Variants in NOS2 observed in about 807,000 individuals in gnomAD.
NOS2 encodes the protein nitric oxide synthase 2, also known as nitric oxide synthase, inducible.
NOS2 carries 96 observed loss-of-function variants against 136.0 expected under a neutral mutation model. That is an observed-to-expected ratio of 0.71 (90% CI 0.60 to 0.84). NOS2 has a LOEUF of 0.84. Among genes scored for constraint, NOS2 ranks in the 40% least tolerant of loss-of-function variants. The pLI, the probability that NOS2 is intolerant of heterozygous loss-of-function variation, is 0.00. For missense variants in NOS2, 1,237 were observed against 1,496.9 expected, an observed-to-expected ratio of 0.83 and a Z score of 2.87; for synonymous variants, 539 against 587.5, an observed-to-expected ratio of 0.92 and a Z score of 1.20.
At chr17:27,792,206 CTG>C (rs1328503300) in intron 2 of NOS2, among the ~76,000 whole-genome samples, 1 of 152,220 alleles carries the variant, frequency 6.6e-6, no homozygotes, top group African/African-American at 2.4e-5. Flanking sequence ...GGATGTTAGA[CTG>C]TGTCTAGTTT....
chr17:27,799,427 A>G (rs1429923196), intron 1 of NOS2, among the ~76,000 whole-genome samples: 1 of 152,178 alleles, frequency 6.6e-6, no homozygotes, highest in Non-Finnish European at 1.5e-5. Context: ...GTGGGGAGGA[A>G]ATATTTGTGA....
At chr17:27,795,546 G>T (rs1035842310) in intron 2 of NOS2, among the ~76,000 whole-genome samples, 1 of 152,182 alleles carries the variant, frequency 6.6e-6, no homozygotes, top group African/African-American at 2.4e-5. Context: ...GCATGTACTC[G>T]TCAATGGAAT....
Position 27,773,254 on chromosome 17 carries a change from G to A in NOS2, c.1477-11C>T, listed in dbSNP as rs774743295. ...TTTCCAGGCCTCTACCTTCAGAAAA[G>A]AAAGGAGATGTGAGGGCAGGGCGGG... On this transcript the variant is annotated splice_polypyrimidine_tract_variant and intron_variant, in intron 12 of 26. Coordinates refer to ENST00000313735, the MANE Select transcript of NOS2 (RefSeq NM_000625.4). The A allele has an allele frequency of 3.1e-6, 5 of 1,608,464 alleles. No individual in the cohort carries two copies. In the Admixed American group the frequency reaches 6.7e-5, roughly 22 times the overall value.
chr17:27,770,758 A>G (rs1189799956), intron 15 of NOS2, among the ~76,000 whole-genome samples, 155 bp downstream of exon 15: 1 of 152,230 alleles, frequency 6.6e-6, no homozygotes, highest in African/African-American at 2.4e-5. Context: ...GGCAATAATT[A>G]CAATGGAGGC....
rs764316522 is a variant in NOS2 at position 27,773,170 on chromosome 17, A to G, written c.1550T>C (p.Val517Ala). The change falls in exon 13 of 27, where the codon GTC becomes GCC. Residue 517 changes from valine to alanine, a missense_variant. Val to Ala is a moderately conservative substitution (Grantham distance 64). Around this residue, in one of 3 missense-constraint regions of NOS2, gnomAD observed 782 missense variants for 909.9 expected, o/e 0.86. Coordinates refer to ENST00000313735, the MANE Select transcript of NOS2 (RefSeq NM_000625.4). ...TGCCACTGCCACTCACTTGACCAAGACTTTCAATGGAATCTCTCTTCTCTT... is the reference window on the plus strand; with the variant it reads ...TGCCACTGCCACTCACTTGACCAAGGCTTTCAATGGAATCTCTCTTCTCTT... ...RPKRREIPLK[V>A]LVKAVLFACM... 6.2e-7 allele frequency: 1 copy of G among 1,613,888 alleles called. No individual in the cohort carries two copies. The highest frequency in any genetic ancestry group is 8.5e-7 in the Non-Finnish European group (1 of 1,179,742).
At chr17:27,766,473 CAG>C in intron 19 of NOS2, 35 bp downstream of exon 19, 3 of 1,518,786 alleles carry the variant, frequency 2.0e-6, no homozygotes, top group Non-Finnish European at 2.7e-6. Flanking sequence ...ATAAAATCGA[CAG>C]AGTATCACCC....
Position 27,769,010 on chromosome 17 carries a change from G to A in NOS2, c.2001C>T (p.Asp667=), listed in dbSNP as rs144098330. Residue 667 remains aspartate, a synonymous_variant, in exon 17 of 27, where the codon GAC becomes GAT. Coordinates refer to ENST00000313735, the MANE Select transcript of NOS2 (RefSeq NM_000625.4). ...TTTGCACGGCCCAGCTGCGGAAGGCGTCCTCCTGCCCACTGAGCTCATCCC... is the reference window on the plus strand; with the variant it reads ...TTTGCACGGCCCAGCTGCGGAAGGCATCCTCCTGCCCACTGAGCTCATCCC... ...GEGDELSGQE[D]AFRSWAVQTF... 290 of 1,611,376 alleles carry A rather than the reference G, an allele frequency of 1.8e-4. 1 individual carries two copies. In the East Asian group the frequency reaches 4.8e-3, roughly 27 times the overall value.
At chr17:27,757,632 AT>A (rs1238588507) in intron 26 of NOS2, among the ~76,000 whole-genome samples, 9 of 152,162 alleles carry the variant, frequency 5.9e-5, no homozygotes, top group Non-Finnish European at 1.3e-4. Context: ...TCTGAGATAA[AT>A]ATGTTTGGGA....
chr17:27,774,546 G>T, intron 11 of NOS2, 95 bp from the exon 12 acceptor site: 1 of 922,430 alleles, frequency 1.1e-6, no homozygotes, highest in Non-Finnish European at 1.5e-6. Flanking sequence ...TGCCTGGGAA[G>T]GCCTGGCAAT....
intron 18 of NOS2, 147 bp downstream of exon 18, chr17:27,767,558 T>C (rs1470277698): frequency 3.3e-6 from 3 of 917,612 alleles, no homozygotes; most frequent in Non-Finnish European, 3.2e-6. Context: ...TTGAGTATTA[T>C]GCCCTAACAG....
Position 27,791,565 on chromosome 17 carries a change from T to C in NOS2, c.111-1877A>G, listed in dbSNP as rs114861378. Among the ~76,000 whole-genome samples the C allele has an allele frequency of 2.7e-3, 411 of 152,160 alleles. 4 individuals carry two copies. Among genetic ancestry groups the C allele is most frequent in the African/African-American group, 9.3e-3 (388 of 41,504 alleles). On this transcript the variant is annotated intron_variant, in intron 2 of 26. Coordinates refer to ENST00000313735, the MANE Select transcript of NOS2 (RefSeq NM_000625.4). ...AATTTTCCATCCACAGACCCCACCC[T>C]GATCCTTGGCTATAAATTCCCACTT...
chr17:27,771,914 G>C (rs930071196), intron 14 of NOS2, among the ~76,000 whole-genome samples: 2 of 152,234 alleles, frequency 1.3e-5, no homozygotes, highest in Non-Finnish European at 2.9e-5. Flanking sequence ...CTGAAGGCAG[G>C]GGATAGAGCT....
intron 2 of NOS2, among the ~76,000 whole-genome samples, chr17:27,798,374 C>A (rs749300871): frequency 6.6e-6 from 1 of 151,446 alleles, no homozygotes; most frequent in Non-Finnish European, 1.5e-5. Context: ...TCCACCCCCA[C>A]CCCTCCGCCA....
At chr17:27,799,147 C>T (rs1909451634) in intron 1 of NOS2, among the ~76,000 whole-genome samples, 1 of 152,188 alleles carries the variant, frequency 6.6e-6, no homozygotes, top group Non-Finnish European at 1.5e-5. Flanking sequence ...AAACTGTATG[C>T]ACCATGAGCC....
At chr17:27,772,563 G>A in intron 13 of NOS2, 111 bp from the exon 14 acceptor site, 1 of 1,259,578 alleles carries the variant, frequency 7.9e-7, no homozygotes, top group Non-Finnish European at 1.1e-6. Flanking sequence ...GCAGGTTGAG[G>A]GAAAAGCAAG....
Position 27,798,867 on chromosome 17 carries a change from G to T in NOS2, c.-58C>A. The T allele has an allele frequency of 9.5e-7, 1 of 1,055,538 alleles. No individual in the cohort carries two copies. The highest frequency in any genetic ancestry group is 1.5e-6 in the Non-Finnish European group (1 of 671,292). The allele number at this position is 1,055,538 out of a possible 1,614,324, so 65.4% of individuals were successfully genotyped here. On this transcript the variant is annotated 5_prime_UTR_variant, in exon 2 of 27. Transcript: ENST00000313735. ...CACTTATCTGGATTTGAGCTCAGATGTTCTTCACTGTGGGGCTGAAGAAGG... is the reference window on the plus strand; with the variant it reads ...CACTTATCTGGATTTGAGCTCAGATTTTCTTCACTGTGGGGCTGAAGAAGG...
chr17:27,792,854 G>A (rs1909236197), intron 2 of NOS2, among the ~76,000 whole-genome samples: 1 of 151,464 alleles, frequency 6.6e-6, no homozygotes, highest in South Asian at 2.1e-4. Flanking sequence ...CAAGTGTGTG[G>A]TGATGCGCGC....
At position 27,774,295 on chromosome 17, in the gene NOS2, T is replaced by A; in HGVS notation, c.1438A>T (p.Met480Leu). The part of the protein sequence containing the change: ...GSITPVFHQE[M>L]LNYVLSPFYY... ...AAAGGGGACAGGACGTAGTTCAGCA[T>A]CTCCTGGTGAAACACGGGGGTGATG... Residue 480 changes from methionine to leucine, a missense_variant, in exon 12 of 27, where the codon ATG becomes TTG. Transcript: ENST00000313735. 7 of 1,550,832 alleles carry A rather than the reference T, an allele frequency of 4.5e-6. No homozygotes were observed. The highest frequency in any genetic ancestry group is 6.1e-6 in the Non-Finnish European group (7 of 1,150,640).
chr17:27,772,255 G>A lies in NOS2; in HGVS notation c.1704+53C>T, dbSNP rs1264306254. 3.1e-6 allele frequency: 5 copies of A among 1,603,100 alleles called. 1 individual carries two copies. In the East Asian group the frequency reaches 8.9e-5, roughly 29 times the overall value. On this transcript the variant is annotated intron_variant, in intron 14 of 26. Coordinates refer to ENST00000313735, the MANE Select transcript of NOS2 (RefSeq NM_000625.4). ...GGGGAAACCGTTTTAACTTTTCCTA[G>A]ACTCCCCTGCACACAAGCAGAAAAA...
Sources: allele counts gnomAD v4.1 joint callset (sites outside exome capture counted in the v4.1 genomes callset), GRCh38; gene constraint gnomAD v4.1.1; regional missense constraint gnomAD v4.1.1; transcripts MANE v1.5; gene names NCBI Gene and HGNC (gene_info 2026-07-23, HGNC 2026-07-21).